Variants in ZNF536 observed in about 807,000 individuals in gnomAD.
ZNF536 encodes the protein zinc finger protein 536.
In ZNF536, 13 loss-of-function variants were observed where a neutral mutation model predicts 84.5. The ratio of observed to expected loss-of-function variants is 0.15; its 90% CI spans 0.10 to 0.24. ZNF536 has a LOEUF of 0.24. Among genes scored for constraint, ZNF536 ranks in the 10% least tolerant of loss-of-function variants. The pLI is 1.00. For synonymous variants in ZNF536, 811 were observed against 742.5 expected (o/e 1.09, Z -1.50); for missense variants, 1,536 against 1,747.5 (o/e 0.88, Z 2.16).
intron 2 of ZNF536, among the ~76,000 whole-genome samples, chr19:30,294,194 C>G (rs2045927786): frequency 6.6e-6 from 1 of 152,162 alleles, no homozygotes; most frequent in Non-Finnish European, 1.5e-5. Flanking sequence ...GAGGAGCTTG[C>G]TGCCCAGAGG....
intron 2 of ZNF536, among the ~76,000 whole-genome samples, chr19:30,466,216 C>G (rs1167268026): frequency 6.6e-6 from 1 of 151,044 alleles, no homozygotes; most frequent in East Asian, 2.0e-4. Flanking sequence ...CAATGAGACC[C>G]TGTCTAAAAA....
In ZNF536 at chr19:30,321,284, C is replaced by T. The variant is rs529129556; in HGVS notation, c.-119-31084C>T. On this transcript the variant is annotated intron_variant, in intron 2 of 5. Transcript: ENST00000585628. Reference sequence around the variant, plus strand: ...TTAAAATGGTAGAAAGGGGCCGGTGCGATGGCTCACGCCTGTAATCCCAGC... The same window carrying T: ...TTAAAATGGTAGAAAGGGGCCGGTGTGATGGCTCACGCCTGTAATCCCAGC... Among the ~76,000 whole-genome samples the T allele has an allele frequency of 2.6e-5, 4 of 152,288 alleles. No homozygotes were observed. The East Asian group carries it at 7.7e-4, about 29-fold the overall frequency.
At chr19:30,247,246 G>A (rs1347927978) in intron 1 of ZNF536, among the ~76,000 whole-genome samples, 1 of 152,254 alleles carries the variant, frequency 6.6e-6, no homozygotes, top group African/African-American at 2.4e-5. Flanking sequence ...AACACAGGGT[G>A]GAGGCAGAAA....
intron 1 of ZNF536, among the ~76,000 whole-genome samples, chr19:30,597,515 T>C (rs1359092098): frequency 6.6e-6 from 1 of 152,202 alleles, no homozygotes. Context: ...CAGTCTACTG[T>C]GCCTTTGGCT....
intron 2 of ZNF536, among the ~76,000 whole-genome samples, chr19:30,479,988 T>C (rs549187899): frequency 2.6e-5 from 4 of 152,350 alleles, no homozygotes; most frequent in Admixed American, 2.6e-4. Context: ...GGGATTGCTG[T>C]TCCCCCTTCT....
intron 2 of ZNF536, among the ~76,000 whole-genome samples, chr19:30,346,858 T>C (rs185684901): frequency 3.3e-5 from 5 of 152,344 alleles, no homozygotes; most frequent in Admixed American, 2.6e-4. Context: ...TTTGGGTATA[T>C]ACCCAGTAAT....
intron 1 of ZNF536, among the ~76,000 whole-genome samples, chr19:30,705,033 A>G (rs1467100124): frequency 6.6e-6 from 1 of 151,966 alleles, no homozygotes; most frequent in African/African-American, 2.4e-5. Context: ...GTAGAGAGAC[A>G]TTTGGAACTT....
At chr19:30,663,829 T>C (rs2147616403) in intron 1 of ZNF536, among the ~76,000 whole-genome samples, 1 of 152,306 alleles carries the variant, frequency 6.6e-6, no homozygotes, top group African/African-American at 2.4e-5. Context: ...TAGGCATGTT[T>C]TTAGGATGAT....
At chr19:30,316,620 A>T (rs993920773) in intron 2 of ZNF536, among the ~76,000 whole-genome samples, 2 of 152,184 alleles carry the variant, frequency 1.3e-5, no homozygotes, top group Non-Finnish European at 2.9e-5. Context: ...GGTTGGCTAC[A>T]AAGACGAGGT....
chr19:30,445,642 G>T lies in ZNF536; in HGVS notation c.2080G>T (p.Val694Phe), dbSNP rs749535726. 4 of 1,612,656 alleles carry T rather than the reference G, an allele frequency of 2.5e-6. No homozygotes were observed. Among genetic ancestry groups the T allele is most frequent in the Non-Finnish European group, 3.4e-6 (4 of 1,179,524 alleles). The change falls in exon 2 of 5, where the codon GTC becomes TTC. Residue 694 changes from valine to phenylalanine, a missense_variant. By Grantham distance (50) the Val-to-Phe change is conservative. Transcript: ENST00000355537. The surrounding 1 kb of genome is among the most constrained non-coding windows in gnomAD (Gnocchi z 4.5). Reference sequence around the variant, plus strand: ...CTCCACCACGCCGGGCTCCTCTAACGTCACCGAGGAGAGCGGGGTCGGAGG... The same window carrying T: ...CTCCACCACGCCGGGCTCCTCTAACTTCACCGAGGAGAGCGGGGTCGGAGG... ...SRSTTPGSSNVTEESGVGGGL... is the reference protein window; with the variant it reads ...SRSTTPGSSNFTEESGVGGGL...
At chr19:30,467,552 A>G (rs2053466119) in intron 2 of ZNF536, among the ~76,000 whole-genome samples, 1 of 152,092 alleles carries the variant, frequency 6.6e-6, no homozygotes, top group Admixed American at 6.5e-5. Context: ...TTCAGTACAC[A>G]CTTGAATAAA....
At chr19:30,643,455 AC>A (rs1309153595) in intron 1 of ZNF536, among the ~76,000 whole-genome samples, 3 of 152,106 alleles carry the variant, frequency 2.0e-5, no homozygotes, top group Non-Finnish European at 2.9e-5. Context: ...CTTGTCCTAA[AC>A]TTTTATACCA....
intron 1 of ZNF536, among the ~76,000 whole-genome samples, chr19:30,577,885 T>A (rs1440360727): frequency 6.6e-6 from 1 of 152,238 alleles, no homozygotes; most frequent in South Asian, 2.1e-4. Flanking sequence ...CACATTCCAA[T>A]TGAAGCTCAT....
At chr19:30,650,701 C>T (rs1478413516) in intron 1 of ZNF536, among the ~76,000 whole-genome samples, 1 of 152,164 alleles carries the variant, frequency 6.6e-6, no homozygotes, top group Non-Finnish European at 1.5e-5. Flanking sequence ...AAATACTGAA[C>T]TGGGTAAATC....
intron 1 of ZNF536, among the ~76,000 whole-genome samples, chr19:30,653,780 C>T (rs2049801024): frequency 1.3e-5 from 2 of 152,128 alleles, no homozygotes; most frequent in African/African-American, 2.4e-5. Flanking sequence ...TCCCGCCCAG[C>T]CTGCCTTGCT....
intron 1 of ZNF536, among the ~76,000 whole-genome samples, chr19:30,602,117 A>G (rs1426989437): frequency 6.6e-6 from 1 of 152,222 alleles, no homozygotes; most frequent in African/African-American, 2.4e-5. Flanking sequence ...AAAACGAATT[A>G]GGGTGCACAA....
At chr19:30,708,547 T>C (rs1324607770) in intron 1 of ZNF536, among the ~76,000 whole-genome samples, 1 of 152,030 alleles carries the variant, frequency 6.6e-6, no homozygotes, top group African/African-American at 2.4e-5. Context: ...AGGCTGGCGG[T>C]GGGAAACTGG....
rs1425328578 is a variant in ZNF536 at position 30,444,545 on chromosome 19, C to T, written c.983C>T (p.Ser328Leu). 1.9e-6 allele frequency: 3 copies of T among 1,613,380 alleles called. No individual in the cohort carries two copies. The highest frequency in any genetic ancestry group is 2.2e-5 in the South Asian group (2 of 91,044). Residue 328 changes from serine (S) to leucine (L), a missense_variant, in exon 2 of 5, where the codon TCG becomes TTG. By Grantham distance (145) the Ser-to-Leu change is moderately radical. Transcript: ENST00000355537. Reference protein sequence around the residue: ...HVEKAHITAESAQGQGPNGGG... With the variant: ...HVEKAHITAELAQGQGPNGGG... Reference sequence around the variant, plus strand: ...GAGAAGGCACACATCACGGCCGAGTCGGCCCAGGGCCAGGGCCCCAACGGC... The same window carrying T: ...GAGAAGGCACACATCACGGCCGAGTTGGCCCAGGGCCAGGGCCCCAACGGC...
chr19:30,293,948 AT>A (rs34561500), intron 2 of ZNF536, among the ~76,000 whole-genome samples: 78 of 150,826 alleles, frequency 5.2e-4, no homozygotes, highest in African/African-American at 1.5e-3. Context: ...TAGCTATTAG[AT>A]TTTTTTTTTC....
Sources: gnomAD v4.1 joint callset for allele counts (sites outside exome capture counted in the v4.1 genomes callset) on GRCh38, gnomAD v4.1.1 for gene constraint, Gnocchi (gnomAD v3.1) non-coding constraint, MANE v1.5 for transcripts, NCBI Gene and HGNC (gene_info 2026-07-23, HGNC 2026-07-21) for gene names.